The following LRRC72 variants were observed in gnomAD, a reference collection of about 807,000 sequenced individuals.
LRRC72 encodes the protein leucine-rich repeat-containing protein 72.
In LRRC72, 41 loss-of-function variants were observed where a neutral mutation model predicts 35.8. The observed-to-expected ratio is 1.15, with a 90% CI of 0.89 to 1.49. The LOEUF (loss-of-function observed/expected upper bound fraction) is 1.49, where lower values mean the gene tolerates loss of function less well. Ranked by LOEUF, LRRC72 falls within the 40% of genes most tolerant of loss-of-function variation. LRRC72 has a pLI of 0.00. For synonymous variants in LRRC72, 118 were observed against 119.2 expected (o/e 0.99, Z 0.07); for missense variants, 389 against 330.7 (o/e 1.18, Z -1.37).
At chr7:16,577,394 G>A (rs922957299) in intron 7 of LRRC72, among the ~76,000 whole-genome samples, 8 of 152,092 alleles carry the variant, frequency 5.3e-5, no homozygotes, top group Non-Finnish European at 7.3e-5. Context: ...AGATTCCAGA[G>A]AGATTGAATA....
intron 7 of LRRC72, among the ~76,000 whole-genome samples, chr7:16,569,027 G>A (rs917252305): frequency 4.6e-5 from 7 of 152,154 alleles, no homozygotes; most frequent in African/African-American, 1.2e-4. Flanking sequence ...AACAGGAAAA[G>A]TTAAAGAATA....
At position 16,562,989 on chromosome 7, in the gene LRRC72, C is replaced by G. The variant is rs562394823; in HGVS notation, c.428-3324C>G. Among the ~76,000 whole-genome samples the G allele has an allele frequency of 5.3e-5, 8 of 152,274 alleles. No individual in the cohort carries two copies. The South Asian group carries it at 1.7e-3, about 32-fold the overall frequency. On this transcript the variant is annotated intron_variant, in intron 5 of 8. Transcript: ENST00000401542. ...TTAGTTAAAACAAGATGGTGATTAA[C>G]AATGGAGATGCTGACCTTACTAAGT...
chr7:16,529,075 G>A (rs951947299), intron 1 of LRRC72, among the ~76,000 whole-genome samples: 1 of 151,936 alleles, frequency 6.6e-6, no homozygotes, highest in African/African-American at 2.4e-5. Context: ...GAGTTCTCAA[G>A]GCCTGAAGAA....
In LRRC72 at chr7:16,532,557, C is replaced by A; in HGVS notation, c.153C>A (p.Phe51Leu). The A allele has an allele frequency of 6.5e-7, 1 of 1,548,510 alleles. No individual in the cohort carries two copies. The highest frequency in any genetic ancestry group is 8.7e-7 in the Non-Finnish European group (1 of 1,145,150). Residue 51 changes from phenylalanine to leucine, a missense_variant, in exon 2 of 9, where the codon TTC becomes TTA. Transcript: ENST00000401542. Reference protein sequence around the residue: ...HRRDADVFELFLSKKELTEVI... With the variant: ...HRRDADVFELLLSKKELTEVI... ...GGGATGCTGATGTCTTTGAGCTGTT[C>A]CTTTCTAAAAAGTAAGTGTACTTAA...
chr7:16,560,817 T>C (rs6971878), intron 5 of LRRC72, among the ~76,000 whole-genome samples: 3,793 of 152,222 alleles, frequency 0.025, 162 homozygotes, highest in African/African-American at 0.086. Context: ...ATAAATTGCA[T>C]CCAGTCTCGA....
rs367721962 is a variant in LRRC72 at position 16,529,018 on chromosome 7, A to G, written c.90+1976A>G. On this transcript the variant is annotated intron_variant, in intron 1 of 8. Transcript: ENST00000401542. ...GAATATATATTTCATATATATGTAC[A>G]TATACATGTGTTTATATATCATATA... is the stretch of plus-strand genomic sequence containing the variant. Among the ~76,000 whole-genome samples, 15 of 152,302 alleles carry G rather than the reference A, an allele frequency of 9.8e-5. No individual in the cohort carries two copies. In the East Asian group the frequency reaches 1.5e-3, roughly 16 times the overall value.
chr7:16,540,056 G>A (rs1314572289), intron 3 of LRRC72, among the ~76,000 whole-genome samples: 1 of 152,170 alleles, frequency 6.6e-6, no homozygotes, highest in East Asian at 1.9e-4. Flanking sequence ...CAGAATGGTA[G>A]CTTCACCGAC....
chr7:16,534,478 T>C (rs895031739), intron 2 of LRRC72, among the ~76,000 whole-genome samples: 65 of 152,228 alleles, frequency 4.3e-4, no homozygotes, highest in African/African-American at 1.5e-3. Flanking sequence ...TGAAAATGAA[T>C]TTATTACATT....
intron 2 of LRRC72, among the ~76,000 whole-genome samples, chr7:16,535,871 T>G (rs1304374593): frequency 6.6e-6 from 1 of 152,120 alleles, no homozygotes; most frequent in Non-Finnish European, 1.5e-5. Context: ...TGTTTTCTGG[T>G]TTTTTTGTTT....
At chr7:16,554,409 T>C (rs1782613209) in intron 3 of LRRC72, among the ~76,000 whole-genome samples, 1 of 152,226 alleles carries the variant, frequency 6.6e-6, no homozygotes, top group Admixed American at 6.5e-5. Flanking sequence ...ATAATGTTCC[T>C]GACCTTAACA....
At chr7:16,548,543 G>T (rs1163258613) in intron 3 of LRRC72, among the ~76,000 whole-genome samples, 6 of 152,372 alleles carry the variant, frequency 3.9e-5, no homozygotes, top group African/African-American at 1.4e-4. Context: ...AGTCGTGGAA[G>T]CTGCTTTTGA....
intron 5 of LRRC72, among the ~76,000 whole-genome samples, chr7:16,564,114 A>C (rs371964159): frequency 6.6e-6 from 1 of 152,336 alleles, no homozygotes; most frequent in East Asian, 1.9e-4. Context: ...AGAAAACGTC[A>C]TTGAAAGATG....
Position 16,527,121 on chromosome 7 carries a change from CAGGCAGGTA to C in LRRC72, c.90+80_90+88del. The C allele has an allele frequency of 2.7e-6, 3 of 1,109,100 alleles. No homozygotes were observed. In the East Asian group the frequency reaches 7.8e-5, roughly 29 times the overall value. 68.7% of individuals were successfully genotyped at this position (1,109,100 alleles called of 1,614,324 possible). On this transcript the variant is annotated intron_variant, in intron 1 of 8. Transcript: ENST00000401542. ...GGCCCCACCTCCTGCCTGAGGACTC[CAGGCAGGTA>C]CTGAATTTGGAGGGGAATTTCAGTA...
At chr7:16,577,902 A>C (rs1207897409) in intron 7 of LRRC72, among the ~76,000 whole-genome samples, 5 of 152,220 alleles carry the variant, frequency 3.3e-5, no homozygotes, top group Non-Finnish European at 7.3e-5. Flanking sequence ...GGGAACGAGC[A>C]CAATTCATGT....
At chr7:16,577,124 AG>A (rs1312035867) in intron 7 of LRRC72, among the ~76,000 whole-genome samples, 2 of 152,204 alleles carry the variant, frequency 1.3e-5, no homozygotes, top group African/African-American at 4.8e-5. Flanking sequence ...CTATGCATGA[AG>A]GTTCAGGTAG....
intron 3 of LRRC72, among the ~76,000 whole-genome samples, chr7:16,542,679 AGAGGAAGGACTTT>A (rs1782377402): frequency 6.6e-6 from 1 of 152,252 alleles, no homozygotes; most frequent in African/African-American, 2.4e-5. Flanking sequence ...CTCAGTGAGC[AGAGGAAGGACTTT>A]GAGTCCTGTG....
At chr7:16,541,129 A>C (rs1225001107) in intron 3 of LRRC72, among the ~76,000 whole-genome samples, 1 of 152,198 alleles carries the variant, frequency 6.6e-6, no homozygotes, top group Non-Finnish European at 1.5e-5. Flanking sequence ...TATCCAAGCA[A>C]AAGAGCAAGA....
chr7:16,573,446 C>CA (rs1782983003), intron 7 of LRRC72, among the ~76,000 whole-genome samples: 1 of 152,078 alleles, frequency 6.6e-6, no homozygotes, highest in Non-Finnish European at 1.5e-5. Context: ...GTACTTGTAC[C>CA]AAAACAGATA....
chr7:16,573,246 C>G (rs541439993), intron 7 of LRRC72, among the ~76,000 whole-genome samples: 1 of 152,246 alleles, frequency 6.6e-6, no homozygotes, highest in East Asian at 1.9e-4. Flanking sequence ...TTTACAGATT[C>G]AATGCTATCC....
Sources: gnomAD v4.1 joint callset for allele counts (sites outside exome capture counted in the v4.1 genomes callset) on GRCh38, gnomAD v4.1.1 for gene constraint, MANE v1.5 for transcripts, NCBI Gene and HGNC (gene_info 2026-07-23, HGNC 2026-07-21) for gene names.